DLGAP2: variants seen among roughly 807,000 people sequenced by gnomAD.
DLGAP2 encodes the protein disks large-associated protein 2.
A neutral mutation model predicts 100.3 loss-of-function variants in DLGAP2; 26 were observed. The observed-to-expected ratio is 0.26, with a 90% CI of 0.19 to 0.36. DLGAP2 has a LOEUF of 0.36. DLGAP2 is among the 10% of genes least tolerant of loss of function. DLGAP2 has a pLI of 1.00. For synonymous variants in DLGAP2, 886 were observed against 630.1 expected (o/e 1.41, Z -6.08); for missense variants, 1,858 against 1,453.2 (o/e 1.28, Z -4.53).
chr8:1,353,112 G>A (rs1801773187), intron 3 of DLGAP2, among the ~76,000 whole-genome samples: 1 of 152,212 alleles, frequency 6.6e-6, no homozygotes, highest in Non-Finnish European at 1.5e-5. Flanking sequence ...GTGATCTGGA[G>A]GAGTTTGCAA....
intron 3 of DLGAP2, among the ~76,000 whole-genome samples, chr8:1,484,442 C>T (rs1799186126): frequency 6.6e-6 from 1 of 152,272 alleles, no homozygotes; most frequent in Non-Finnish European, 1.5e-5. Flanking sequence ...AACCTTCTGG[C>T]TTAGGCCTGC....
chr8:1,148,759 C>G (rs955013905), intron 2 of DLGAP2, among the ~76,000 whole-genome samples: 1 of 152,126 alleles, frequency 6.6e-6, no homozygotes, highest in African/African-American at 2.4e-5. Flanking sequence ...AAATTTAATT[C>G]TACTGTAGTC....
intron 3 of DLGAP2, among the ~76,000 whole-genome samples, chr8:1,344,114 T>TGGGTGCCCTG (rs1367814686): frequency 8.1e-5 from 3 of 36,892 alleles, no homozygotes; most frequent in Admixed American, 4.0e-4. Context: ...GGTCCATGTA[T>TGGGTGCCCTG]TCGGGGCCCT....
intron 3 of DLGAP2, among the ~76,000 whole-genome samples, chr8:1,379,247 C>T (rs924441821): frequency 7.2e-5 from 11 of 152,258 alleles, no homozygotes; most frequent in African/African-American, 9.6e-5. Context: ...CATGCAGTGC[C>T]GGCTCTGTGC....
intron 4 of DLGAP2, among the ~76,000 whole-genome samples, chr8:1,517,147 G>A (rs1363757852): frequency 6.6e-6 from 1 of 152,150 alleles, no homozygotes; most frequent in South Asian, 2.1e-4. Context: ...GACCCCCATG[G>A]CTGTGGGTGG....
intron 5 of DLGAP2, among the ~76,000 whole-genome samples, chr8:1,558,580 A>G (rs1802050373): frequency 6.6e-6 from 1 of 151,866 alleles, no homozygotes; most frequent in Non-Finnish European, 1.5e-5. Flanking sequence ...ACACATACAC[A>G]CATAGGCATG....
At chr8:1,339,662 G>A (rs979881545) in intron 3 of DLGAP2, among the ~76,000 whole-genome samples, 2 of 152,146 alleles carry the variant, frequency 1.3e-5, no homozygotes, top group African/African-American at 4.8e-5. Flanking sequence ...CATTCTTTTG[G>A]CCATTGTGAC....
intron 3 of DLGAP2, among the ~76,000 whole-genome samples, chr8:1,388,216 G>C (rs1171743696): frequency 7.8e-6 from 1 of 128,432 alleles, no homozygotes; most frequent in Non-Finnish European, 1.7e-5. Context: ...TGGATGAGGA[G>C]GCGCTGGTTC....
At chr8:1,423,260 C>T (rs1797148636) in intron 3 of DLGAP2, among the ~76,000 whole-genome samples, 1 of 99,262 alleles carries the variant, frequency 1.0e-5, no homozygotes, top group East Asian at 2.8e-4. Flanking sequence ...TACTTAGTCA[C>T]AGCTCTTATC....
chr8:1,608,375 CG>C (rs1409443651), intron 6 of DLGAP2, among the ~76,000 whole-genome samples: 3 of 75,850 alleles, frequency 4.0e-5, no homozygotes, highest in Non-Finnish European at 8.5e-5. Context: ...ACATCCACAC[CG>C]AAAACCCATC....
Position 947,372 on chromosome 8 carries a change from A to T in DLGAP2, c.73+39406A>T, listed in dbSNP as rs555815887. Among the ~76,000 whole-genome samples, 200 of 152,270 alleles carry T rather than the reference A, an allele frequency of 1.3e-3. 1 individual carries two copies. Among genetic ancestry groups the T allele is most frequent in the African/African-American group, 4.6e-3 (193 of 41,576 alleles). On this transcript the variant is annotated intron_variant, in intron 2 of 14. Transcript: ENST00000637795. Reference sequence around the variant, plus strand: ...GTCAGCAGGGGCTCCCTCACACAGGACGTAATTTTGCGGGAAGGATTTTCA... The same window carrying T: ...GTCAGCAGGGGCTCCCTCACACAGGTCGTAATTTTGCGGGAAGGATTTTCA...
At chr8:1,559,336 G>T (rs866512012) in intron 5 of DLGAP2, among the ~76,000 whole-genome samples, 1 of 152,222 alleles carries the variant, frequency 6.6e-6, no homozygotes, top group African/African-American at 2.4e-5. Context: ...ACCCTGGGCT[G>T]AGGGCTGCAG....
intron 2 of DLGAP2, among the ~76,000 whole-genome samples, chr8:1,084,544 C>A (rs897435019): frequency 6.6e-6 from 1 of 152,318 alleles, no homozygotes; most frequent in African/African-American, 2.4e-5. Flanking sequence ...CCACATCCCC[C>A]AGCCTCGGGT....
At position 903,135 on chromosome 8, in the gene DLGAP2, C is replaced by A. The variant is rs1384385168; in HGVS notation, c.19-4777C>A. 2.6e-5 allele frequency among the ~76,000 whole-genome samples: 4 copies of A among 152,056 alleles called. No individual in the cohort carries two copies. The East Asian group carries it at 5.8e-4, about 22-fold the overall frequency. ...TCAGAGTCCCTATGAGTTATCTTGT[C>A]GCCTCCATGCTCTTTAATCTCGTTA... is the stretch of plus-strand genomic sequence containing the variant. On this transcript the variant is annotated intron_variant, in intron 1 of 14. Coordinates refer to ENST00000637795, the MANE Select transcript of DLGAP2 (RefSeq NM_001346810.2).
In DLGAP2 at chr8:1,548,993, C is replaced by G. The variant is rs781064765; in HGVS notation, c.540C>G (p.His180Gln). The G allele has an allele frequency of 6.3e-7, 1 of 1,599,134 alleles. No individual in the cohort carries two copies. The highest frequency in any genetic ancestry group is 8.5e-7 in the Non-Finnish European group (1 of 1,179,062). ...YDTRDDCAVA[H>Q]AGAKINRIPA... ...CGCGCGACGACTGCGCTGTGGCCCA[C>G]GCGGGCGCCAAGATCAACCGCATCC... The change falls in exon 5 of 15, where the codon CAC becomes CAG. Residue 180 changes from histidine to glutamine, a missense_variant. Physicochemically the swap from His to Gln is conservative, Grantham distance 24. Coordinates refer to ENST00000637795, the MANE Select transcript of DLGAP2 (RefSeq NM_001346810.2).
chr8:1,673,024 T>A (rs1297530903), intron 10 of DLGAP2, among the ~76,000 whole-genome samples: 2 of 152,248 alleles, frequency 1.3e-5, no homozygotes. Flanking sequence ...TGGTTGGCTT[T>A]GACGCCGCTG....
chr8:1,345,206 C>G (rs1010040392), intron 3 of DLGAP2, among the ~76,000 whole-genome samples: 1 of 152,354 alleles, frequency 6.6e-6, no homozygotes, highest in South Asian at 2.1e-4. Flanking sequence ...TTCTGAGGAG[C>G]ACTACTGTAT....
rs566992188 is a variant in DLGAP2 at position 870,988 on chromosome 8, A to G, written c.19-36924A>G. On this transcript the variant is annotated intron_variant, in intron 1 of 14. Coordinates refer to ENST00000637795, the MANE Select transcript of DLGAP2 (RefSeq NM_001346810.2). ...GACGTATCTGGCACCTGAGCTCAAC[A>G]TTTTCCTTCCCCTGGTTCTTCAGAA... Among the ~76,000 whole-genome samples the G allele has an allele frequency of 2.6e-5, 4 of 152,026 alleles. No individual in the cohort carries two copies. The East Asian group carries it at 7.7e-4, about 29-fold the overall frequency.
intron 3 of DLGAP2, among the ~76,000 whole-genome samples, chr8:1,455,730 G>A (rs528535909): frequency 7.9e-5 from 12 of 152,216 alleles, no homozygotes; most frequent in South Asian, 2.1e-4. Context: ...ATTAAGCGTC[G>A]CATCCTCCAG....
Sources: gnomAD v4.1 joint callset for allele counts (sites outside exome capture counted in the v4.1 genomes callset) on GRCh38, gnomAD v4.1.1 for gene constraint, MANE v1.5 for transcripts, NCBI Gene and HGNC (gene_info 2026-07-23, HGNC 2026-07-21) for gene names.